The following PRKG1 variants were observed in gnomAD, a reference collection of about 807,000 sequenced individuals.
PRKG1 encodes the protein protein kinase cGMP-dependent 1.
Under a neutral mutation model 88.1 loss-of-function variants are expected in PRKG1, and 35 were observed. That is an observed-to-expected ratio of 0.40 (90% CI 0.30 to 0.53). The LOEUF (loss-of-function observed/expected upper bound fraction) is 0.53, where lower values mean the gene tolerates loss of function less well. Among genes scored for constraint, PRKG1 ranks in the 20% least tolerant of loss-of-function variants. The pLI, the probability that PRKG1 is intolerant of heterozygous loss-of-function variation, is 0.59. For synonymous variants in PRKG1, 303 were observed against 292.5 expected (o/e 1.04, Z -0.37); for missense variants, 540 against 839.8 (o/e 0.64, Z 4.41).
At chr10:51,249,087 A>T (rs980055043) in intron 2 of PRKG1, among the ~76,000 whole-genome samples, 6 of 151,830 alleles carry the variant, frequency 4.0e-5, no homozygotes, top group African/African-American at 1.4e-4. Context: ...AACATGATAA[A>T]TTTTTTTAAG....
chr10:51,189,973 G>C (rs1837590589), intron 2 of PRKG1, among the ~76,000 whole-genome samples: 3 of 151,826 alleles, frequency 2.0e-5, no homozygotes, highest in Non-Finnish European at 1.5e-5. Flanking sequence ...GCAGGGTCCA[G>C]ATTTTAACTC....
At chr10:51,663,770 A>G (rs1241929679) in intron 3 of PRKG1, among the ~76,000 whole-genome samples, 1 of 151,568 alleles carries the variant, frequency 6.6e-6, no homozygotes, top group Non-Finnish European at 1.5e-5. Flanking sequence ...AGATATAGCA[A>G]TGGAATAAAC....
intron 2 of PRKG1, among the ~76,000 whole-genome samples, chr10:51,253,786 C>T (rs1461008906): frequency 6.6e-6 from 1 of 151,840 alleles, no homozygotes; most frequent in Non-Finnish European, 1.5e-5. Flanking sequence ...ACTTTTCATC[C>T]CTTTAATCTT....
At chr10:52,187,571 G>A (rs1037585051) in intron 9 of PRKG1, among the ~76,000 whole-genome samples, 1 of 152,138 alleles carries the variant, frequency 6.6e-6, no homozygotes, top group African/African-American at 2.4e-5. Context: ...CCAAATCGCA[G>A]CATTTTTACA....
At chr10:51,716,870 G>A (rs573184607) in intron 3 of PRKG1, among the ~76,000 whole-genome samples, 1 of 152,232 alleles carries the variant, frequency 6.6e-6, no homozygotes, top group South Asian at 2.1e-4. Flanking sequence ...CTAACTTTTT[G>A]TATTTTTAGT....
intron 6 of PRKG1, among the ~76,000 whole-genome samples, chr10:52,059,444 TAGTC>T (rs1846184779): frequency 6.6e-6 from 1 of 151,586 alleles, no homozygotes; most frequent in African/African-American, 2.4e-5. Context: ...ATGAAAATAT[TAGTC>T]AGCAATAAAA....
intron 3 of PRKG1, among the ~76,000 whole-genome samples, chr10:51,641,287 T>C (rs1839794263): frequency 6.6e-6 from 1 of 152,116 alleles, no homozygotes; most frequent in African/African-American, 2.4e-5. Context: ...ACCACCACAT[T>C]AATTGTCCTG....
rs77184494 is a variant in PRKG1, at chr10:52,070,429, A to G, written c.935+7798A>G. On this transcript the variant is annotated intron_variant, in intron 7 of 17. Coordinates refer to ENST00000373980, the MANE Select transcript of PRKG1 (RefSeq NM_006258.4). ...TCTGGTAGCTGTTTCTGTCTTTGAC[A>G]TTATGCATTTTTGCTATAATTAATG... Among the ~76,000 whole-genome samples the G allele has an allele frequency of 5.3e-5, 8 of 152,324 alleles. No individual in the cohort carries two copies. In the East Asian group the frequency reaches 1.3e-3, roughly 26 times the overall value.
chr10:51,926,167 A>T lies in PRKG1; in HGVS notation c.762+18597A>T, dbSNP rs528013907. Reference sequence around the variant, plus strand: ...ATGAAATAACAGGTTTAAGGAAAAAATTTAATGTGGTCAGAAGTGTGCAAT... The same window carrying T: ...ATGAAATAACAGGTTTAAGGAAAAATTTTAATGTGGTCAGAAGTGTGCAAT... On this transcript the variant is annotated intron_variant, in intron 5 of 17. Coordinates refer to ENST00000373980, the MANE Select transcript of PRKG1 (RefSeq NM_006258.4). 1.8e-4 allele frequency among the ~76,000 whole-genome samples: 27 copies of T among 152,304 alleles called. No individual in the cohort carries two copies. In the East Asian group the frequency reaches 4.8e-3, roughly 27 times the overall value.
At chr10:51,259,503 C>A (rs1421879685) in intron 2 of PRKG1, among the ~76,000 whole-genome samples, 1 of 152,092 alleles carries the variant, frequency 6.6e-6, no homozygotes, top group Non-Finnish European at 1.5e-5. Flanking sequence ...GATGGAGTTT[C>A]ACTCTTGTTG....
chr10:51,406,628 T>G (rs1025098051), intron 2 of PRKG1, among the ~76,000 whole-genome samples: 6 of 151,972 alleles, frequency 3.9e-5, no homozygotes, highest in African/African-American at 7.2e-5. Context: ...TTTGTTTTTT[T>G]TTTTTTTTTT....
At chr10:51,035,185 G>A (rs1843338092) in intron 1 of PRKG1, among the ~76,000 whole-genome samples, 1 of 152,088 alleles carries the variant, frequency 6.6e-6, no homozygotes, top group Non-Finnish European at 1.5e-5. Flanking sequence ...TCTTAACCTT[G>A]ACTGCTCTGT....
chr10:51,039,286 G>A (rs1032778276), intron 1 of PRKG1, among the ~76,000 whole-genome samples: 2 of 152,178 alleles, frequency 1.3e-5, no homozygotes, highest in Non-Finnish European at 2.9e-5. Context: ...TAACTGGGAT[G>A]AGAGGATATC....
In PRKG1 at chr10:51,233,807, G is replaced by A. The variant is rs550498997; in HGVS notation, c.478+80477G>A. Among the ~76,000 whole-genome samples, 10 of 152,200 alleles carry A rather than the reference G, an allele frequency of 6.6e-5. No homozygotes were observed. In the South Asian group the frequency reaches 2.1e-3, roughly 32 times the overall value. On this transcript the variant is annotated intron_variant, in intron 2 of 17. Coordinates refer to ENST00000373980, the MANE Select transcript of PRKG1 (RefSeq NM_006258.4). ...CTGTCTAACAAAACATTTTCTTGATGTTAGTATTCGATTCCACAATAAGCG... is the reference window on the plus strand; with the variant it reads ...CTGTCTAACAAAACATTTTCTTGATATTAGTATTCGATTCCACAATAAGCG...
intron 6 of PRKG1, among the ~76,000 whole-genome samples, chr10:52,055,867 C>A (rs538444730): frequency 6.6e-6 from 1 of 152,176 alleles, no homozygotes; most frequent in South Asian, 2.1e-4. Flanking sequence ...ATTTACAGAG[C>A]TACAGTGAAT....
chr10:51,945,654 G>A (rs1043702698), intron 5 of PRKG1, among the ~76,000 whole-genome samples: 3 of 151,098 alleles, frequency 2.0e-5, no homozygotes, highest in African/African-American at 4.9e-5. Context: ...AGGCCTGGTG[G>A]TGACAAAATC....
chr10:51,652,181 T>G (rs921871755), intron 3 of PRKG1, among the ~76,000 whole-genome samples: 2 of 152,152 alleles, frequency 1.3e-5, no homozygotes. Context: ...ACCACAAAAC[T>G]ATTATATATA....
intron 5 of PRKG1, among the ~76,000 whole-genome samples, chr10:52,021,123 C>T (rs1845173283): frequency 6.6e-6 from 1 of 152,140 alleles, no homozygotes; most frequent in Non-Finnish European, 1.5e-5. Context: ...GTCCCAAAAA[C>T]TAAGCTGTTC....
At chr10:51,590,199 A>G (rs1305417815) in intron 3 of PRKG1, among the ~76,000 whole-genome samples, 2 of 152,216 alleles carry the variant, frequency 1.3e-5, no homozygotes, top group Non-Finnish European at 2.9e-5. Context: ...CCAAGAAGTC[A>G]AAGTTGTAGA....
Sources: allele counts gnomAD v4.1 joint callset (sites outside exome capture counted in the v4.1 genomes callset), GRCh38; gene constraint gnomAD v4.1.1; transcripts MANE v1.5; gene names NCBI Gene and HGNC (gene_info 2026-07-23, HGNC 2026-07-21).